The following ABLIM3 variants were observed in gnomAD, a reference collection of about 807,000 sequenced individuals.
The protein encoded by ABLIM3 is actin binding LIM protein family member 3.
ABLIM3 carries 61 observed loss-of-function variants against 109.5 expected under a neutral mutation model. That is an observed-to-expected ratio of 0.56 (90% CI 0.45 to 0.69). The LOEUF (loss-of-function observed/expected upper bound fraction) is 0.69, where lower values mean the gene tolerates loss of function less well. Ranked by LOEUF, ABLIM3 falls within the 30% of genes least tolerant of loss-of-function variation. The pLI, the probability that ABLIM3 is intolerant of heterozygous loss-of-function variation, is 0.00. For missense variants in ABLIM3, 796 were observed against 889.5 expected (o/e 0.89, Z 1.34); for synonymous variants, 300 against 324.8 (o/e 0.92, Z 0.82).
At position 149,258,419 on chromosome 5, in the gene ABLIM3, A is replaced by AAT. The variant is rs1178930716; in HGVS notation, c.*22_*23dup. ...GGCTGTTCTAGGCAGAGGCTCTATAAATATATATGCATTTATATAAAGATA... is the reference window on the plus strand; with the variant it reads ...GGCTGTTCTAGGCAGAGGCTCTATAAATATATATATGCATTTATATAAAGATA... On this transcript the variant is annotated 3_prime_UTR_variant, in exon 24 of 24. Coordinates refer to ENST00000309868, the MANE Select transcript of ABLIM3 (RefSeq NM_014945.5). 7 of 1,609,848 alleles carry AAT rather than the reference A, an allele frequency of 4.3e-6. No individual in the cohort carries two copies. The highest frequency in any genetic ancestry group is 5.9e-6 in the Non-Finnish European group (7 of 1,178,746).
chr5:149,145,896 C>T (rs1733733850), intron 2 of ABLIM3, among the ~76,000 whole-genome samples: 1 of 152,072 alleles, frequency 6.6e-6, no homozygotes, highest in African/African-American at 2.4e-5. Context: ...AGCGATCCTC[C>T]CACCTCAGCC....
chr5:149,208,381 TCTCTCA>T (rs1759216804), intron 6 of ABLIM3, among the ~76,000 whole-genome samples: 2 of 131,538 alleles, frequency 1.5e-5, no homozygotes, highest in Admixed American at 7.1e-5. Flanking sequence ...TCTCTCTCTC[TCTCTCA>T]ATTTCTCTTT....
At chr5:149,172,240 A>G (rs1755504770) in intron 2 of ABLIM3, among the ~76,000 whole-genome samples, 3 of 152,248 alleles carry the variant, frequency 2.0e-5, no homozygotes, top group Admixed American at 2.0e-4. Context: ...ATGAAACAGA[A>G]TGGAATAAAA....
chr5:149,172,367 A>C (rs905650383), intron 2 of ABLIM3, among the ~76,000 whole-genome samples: 13 of 152,184 alleles, frequency 8.5e-5, no homozygotes, highest in African/African-American at 3.1e-4. Flanking sequence ...TGCAAAATTA[A>C]TTTCCTCCAG....
intron 7 of ABLIM3, chr5:149,216,535 C>A: frequency 2.2e-5 from 3 of 139,408 alleles, no homozygotes; most frequent in Admixed American, 7.1e-5. Flanking sequence ...TTTTTTTTTT[C>A]CATTGGTCCA....
intron 2 of ABLIM3, among the ~76,000 whole-genome samples, chr5:149,165,377 A>G (rs1214230940): frequency 6.6e-6 from 1 of 152,202 alleles, no homozygotes; most frequent in Non-Finnish European, 1.5e-5. Flanking sequence ...ACATTTATGC[A>G]TTGAATTGAA....
chr5:149,200,616 G>A (rs1218259549), intron 5 of ABLIM3, 188 bp downstream of exon 5: 4 of 610,768 alleles, frequency 6.5e-6, no homozygotes, highest in Non-Finnish European at 1.2e-5. Context: ...CACAATGCAG[G>A]GAAGAGGGGC....
At chr5:149,199,961 G>A (rs1250134470) in intron 4 of ABLIM3, among the ~76,000 whole-genome samples, 1 of 152,218 alleles carries the variant, frequency 6.6e-6, no homozygotes, top group Non-Finnish European at 1.5e-5. Flanking sequence ...TGAGTTGAAT[G>A]AATTCTTAAC....
At chr5:149,192,075 A>G (rs974049789) in intron 3 of ABLIM3, among the ~76,000 whole-genome samples, 2 of 152,214 alleles carry the variant, frequency 1.3e-5, no homozygotes, top group African/African-American at 4.8e-5. Context: ...GAAACATTTA[A>G]TAGTAAAATG....
chr5:149,257,011 G>A (rs1414721872), intron 23 of ABLIM3, among the ~76,000 whole-genome samples: 1 of 152,210 alleles, frequency 6.6e-6, no homozygotes, highest in African/African-American at 2.4e-5. Flanking sequence ...TGGGGAAAAT[G>A]TTAGTTCACA....
At chr5:149,256,095 A>C (rs1754400766) in intron 23 of ABLIM3, among the ~76,000 whole-genome samples, 2 of 152,212 alleles carry the variant, frequency 1.3e-5, no homozygotes, top group South Asian at 4.1e-4. Flanking sequence ...GATGGACAGT[A>C]GTGGCATTAG....
chr5:149,250,619 G>A, intron 20 of ABLIM3, 114 bp downstream of exon 20: 1 of 1,254,068 alleles, frequency 8.0e-7, no homozygotes, highest in South Asian at 1.3e-5. Context: ...CTAGTGGTGG[G>A]TTAACTGACA....
intron 3 of ABLIM3, among the ~76,000 whole-genome samples, chr5:149,189,134 T>A (rs950982593): frequency 1.3e-5 from 2 of 152,196 alleles, no homozygotes; most frequent in African/African-American, 4.8e-5. Flanking sequence ...AAAAAAGGTG[T>A]TTGGAAAACT....
In ABLIM3 at chr5:149,235,948, C is replaced by A. The variant is rs543833086; in HGVS notation, c.889-1500C>A. Among the ~76,000 whole-genome samples, 3 of 152,334 alleles carry A rather than the reference C, an allele frequency of 2.0e-5. No individual in the cohort carries two copies. The East Asian group carries it at 5.8e-4, about 29-fold the overall frequency. ...CTAAAAAGATGAGGGAAGGGAACAG[C>A]ATTACCAAAGCTGGCAAGAGCTGGG... On this transcript the variant is annotated intron_variant, in intron 10 of 23. Transcript: ENST00000309868.
intron 6 of ABLIM3, among the ~76,000 whole-genome samples, chr5:149,207,701 G>A (rs988817126): frequency 3.9e-5 from 6 of 152,176 alleles, no homozygotes; most frequent in African/African-American, 1.4e-4. Context: ...GTACCCACCA[G>A]GAGAGGGGCT....
chr5:149,244,703 G>A (rs1418312512), intron 15 of ABLIM3, 178 bp from the exon 16 acceptor site: 1 of 722,002 alleles, frequency 1.4e-6, no homozygotes, highest in African/African-American at 1.8e-5. Context: ...GCAAAATGAG[G>A]GTTTGGCCCC....
intron 2 of ABLIM3, among the ~76,000 whole-genome samples, chr5:149,182,316 C>T (rs547620116): frequency 1.3e-4 from 20 of 152,346 alleles, no homozygotes; most frequent in African/African-American, 4.3e-4. Context: ...AGTGAGCCTT[C>T]TCCTAATAAG....
chr5:149,232,961 A>T (rs1037318725), intron 9 of ABLIM3, among the ~76,000 whole-genome samples: 17 of 152,226 alleles, frequency 1.1e-4, no homozygotes, highest in Non-Finnish European at 2.2e-4. Context: ...GAAAAGTTTT[A>T]TGAGTAATTT....
At position 149,247,822 on chromosome 5, in the gene ABLIM3, T is replaced by C. The variant is rs1753530577; in HGVS notation, c.1592T>C (p.Met531Thr). The change falls in exon 18 of 24, where the codon ATG (methionine) becomes ACG (threonine). Residue 531 changes from methionine to threonine, a missense_variant. Met to Thr is a moderately conservative substitution (Grantham distance 81, BLOSUM62 -1). Transcript: ENST00000309868. ...GIGRLILKEE[M>T]KARSSSYADP... Reference sequence around the variant, plus strand: ...GGCCGGCTGATTCTGAAGGAAGAAATGAAGGCCCGGTCGAGCTCCTATGCA... The same window carrying C: ...GGCCGGCTGATTCTGAAGGAAGAAACGAAGGCCCGGTCGAGCTCCTATGCA... 1 of 1,614,062 alleles carries C rather than the reference T, an allele frequency of 6.2e-7. No individual in the cohort carries two copies. The highest frequency in any genetic ancestry group is 1.7e-5 in the Admixed American group (1 of 60,002).
Sources: gnomAD v4.1 joint callset for allele counts (sites outside exome capture counted in the v4.1 genomes callset) on GRCh38, gnomAD v4.1.1 for gene constraint, MANE v1.5 for transcripts, NCBI Gene and HGNC (gene_info 2026-07-23, HGNC 2026-07-21) for gene names.